Variants in KCNJ15 observed in about 807,000 individuals in gnomAD.
KCNJ15 encodes the protein potassium inwardly rectifying channel subfamily J member 15, also known as ATP-sensitive inward rectifier potassium channel 15.
KCNJ15 carries 14 observed loss-of-function variants against 23.0 expected under a neutral mutation model. That is an observed-to-expected ratio of 0.61 (90% CI 0.40 to 0.95). The LOEUF is 0.95. Ranked by LOEUF, KCNJ15 falls within the 40% of genes least tolerant of loss-of-function variation. KCNJ15 has a pLI of 0.00. For synonymous variants in KCNJ15, 185 were observed against 183.2 expected (o/e 1.01, Z -0.08); for missense variants, 388 against 461.8 (o/e 0.84, Z 1.46).
intron 1 of KCNJ15, chr21:38,237,254 A>G (rs1390731375): frequency 6.6e-6 from 1 of 152,286 alleles, no homozygotes; most frequent in African/African-American, 2.4e-5. Context: ...ATAATGATCC[A>G]AAAATAGCTT....
rs574202433 is a variant in KCNJ15, at chr21:38,251,359, A to T, written c.-398-5687A>T. Among the ~76,000 whole-genome samples, 27 of 152,334 alleles carry T rather than the reference A, an allele frequency of 1.8e-4. 1 individual carries two copies. The highest frequency in any genetic ancestry group is 8.5e-4 in the Admixed American group (13 of 15,302). On this transcript the variant is annotated intron_variant, in intron 1 of 4. Coordinates refer to the KCNJ15 transcript ENST00000547341. ...CAATAAAGGAATAAAGTTCAATTTG[A>T]ATAAGGCAAGAGGAAACCGGATCAC...
At chr21:38,258,948 A>C (rs1416931467) in intron 1 of KCNJ15, among the ~76,000 whole-genome samples, 1 of 152,104 alleles carries the variant, frequency 6.6e-6, no homozygotes, top group African/African-American at 2.4e-5. Context: ...GGCTCAGCAC[A>C]ACCTCACTCT....
intron 1 of KCNJ15, among the ~76,000 whole-genome samples, chr21:38,295,538 C>A (rs929354050): frequency 6.7e-6 from 1 of 149,534 alleles, no homozygotes; most frequent in Non-Finnish European, 1.5e-5. Flanking sequence ...GTACTGGTGG[C>A]AAGCTGCACT....
intron 1 of KCNJ15, among the ~76,000 whole-genome samples, chr21:38,287,897 G>A (rs1984076989): frequency 1.3e-5 from 2 of 152,040 alleles, no homozygotes; most frequent in Non-Finnish European, 2.9e-5. Context: ...AGCAAATTTT[G>A]GTATAAACTG....
At chr21:38,249,830 A>G (rs1979703685) in intron 1 of KCNJ15, among the ~76,000 whole-genome samples, 1 of 152,214 alleles carries the variant, frequency 6.6e-6, no homozygotes, top group Non-Finnish European at 1.5e-5. Flanking sequence ...TGCACATTTG[A>G]TAAGCTGAAG....
chr21:38,263,899 A>G (rs1457205317), intron 1 of KCNJ15, among the ~76,000 whole-genome samples: 1 of 151,826 alleles, frequency 6.6e-6, no homozygotes, highest in African/African-American at 2.4e-5. Context: ...ATTTACAAAG[A>G]TACATACACA....
At chr21:38,250,963 G>A (rs1332825659) in intron 1 of KCNJ15, among the ~76,000 whole-genome samples, 1 of 152,146 alleles carries the variant, frequency 6.6e-6, no homozygotes, top group African/African-American at 2.4e-5. Context: ...TAGGGTCCAC[G>A]GCACACATAC....
In KCNJ15 at chr21:38,305,287, A is replaced by G. The variant is rs913308461; in HGVS notation, c.*4898A>G. ...GTCAAATAGATTGGTGGGTTAAAAA[A>G]TAATCAATTCAAATTCAAATTAGGA... On this transcript the variant is annotated 3_prime_UTR_variant, in exon 3 of 3. Transcript: ENST00000398938. The G allele has an allele frequency of 3.3e-5, 5 of 152,338 alleles. No homozygotes were observed. The highest frequency in any genetic ancestry group is 7.3e-5 in the Non-Finnish European group (5 of 68,036). The allele number at this position is 152,338 out of a possible 1,614,324, so 9.4% of individuals were successfully genotyped here.
chr21:38,299,692 T>C lies in KCNJ15; in HGVS notation c.431T>C (p.Phe144Ser). The C allele has an allele frequency of 6.2e-7, 1 of 1,614,166 alleles. No homozygotes were observed. Among genetic ancestry groups the C allele is most frequent in the Non-Finnish European group, 8.5e-7 (1 of 1,180,032 alleles). Residue 144 changes from phenylalanine to serine, a missense_variant, in exon 3 of 3, where the codon TTC (phenylalanine) becomes TCC (serine). Phe to Ser is a radical substitution (Grantham distance 155, BLOSUM62 -2). Coordinates refer to ENST00000398938, the MANE Select transcript of KCNJ15 (RefSeq NM_170736.3). This position sits in a 1 kb window ranked among gnomAD's most constrained non-coding sequence, Gnocchi z 4.5. ...SITEECPHAI[F>S]LLVAQLVITT... The stretch of plus-strand genomic sequence containing the variant: ...ACAGAGGAATGTCCTCATGCCATCT[T>C]CCTGTTGGTTGCTCAGTTGGTCATC...
At chr21:38,253,159 T>G (rs979081086), upstream of KCNJ15, among the ~76,000 whole-genome samples, 2 of 152,224 alleles carry the variant, frequency 1.3e-5, no homozygotes, top group African/African-American at 4.8e-5. Context: ...TACCCTGGCT[T>G]CTTCCCTTCC....
At chr21:38,238,848 A>G (rs1978801322) in intron 1 of KCNJ15, among the ~76,000 whole-genome samples, 1 of 152,180 alleles carries the variant, frequency 6.6e-6, no homozygotes, top group African/African-American at 2.4e-5. Flanking sequence ...GTAAAAAATG[A>G]TTCTCCCTTT....
In KCNJ15 at chr21:38,242,412, C is replaced by T. The variant is rs140096455; in HGVS notation, c.-398-14634C>T. ...CACACGGGGCTATATGTGGAAACTC[C>T]GACCCCATGGTGCCTGCCACACACT... On this transcript the variant is annotated intron_variant, in intron 1 of 4. Transcript: ENST00000547341. Among the ~76,000 whole-genome samples the T allele has an allele frequency of 1.6e-3, 239 of 152,166 alleles. 4 individuals carry two copies. The highest frequency in any genetic ancestry group is 4.1e-3 in the Admixed American group (63 of 15,272).
At chr21:38,267,494 C>T (rs913820470) in intron 1 of KCNJ15, among the ~76,000 whole-genome samples, 7 of 152,144 alleles carry the variant, frequency 4.6e-5, no homozygotes, top group African/African-American at 1.2e-4. Flanking sequence ...AAACCCACCA[C>T]GCTGCAGGAG....
intron 1 of KCNJ15, among the ~76,000 whole-genome samples, chr21:38,288,026 C>CTTTTCTTTTTTTTTTTTTTTTTT (rs1171718120): frequency 1.3e-5 from 1 of 78,170 alleles, no homozygotes; most frequent in Non-Finnish European, 2.3e-5. Flanking sequence ...TTGTTTTTTT[C>CTTTTCTTTTTTTTTTTTTTTTTT]TTTGTTTTTT....
chr21:38,238,524 C>A, intron 1 of KCNJ15: 1 of 639,542 alleles, frequency 1.6e-6, no homozygotes. Context: ...GGACCATCTC[C>A]GGCAATGCCA....
upstream of KCNJ15, among the ~76,000 whole-genome samples, chr21:38,256,378 A>ATATATATG (rs1555882101): frequency 2.7e-4 from 39 of 143,648 alleles, 1 homozygote; most frequent in African/African-American, 9.1e-4. Context: ...ATATATATAT[A>ATATATATG]TAATATTTAT....
rs954878327 is a variant in KCNJ15 at position 38,305,179 on chromosome 21, C to T, written c.*4790C>T. 1 of 151,974 alleles carries T rather than the reference C, an allele frequency of 6.6e-6. No homozygotes were observed. Among genetic ancestry groups the T allele is most frequent in the Non-Finnish European group, 1.5e-5 (1 of 67,992 alleles). 9.4% of individuals were successfully genotyped at this position (151,974 alleles called of 1,614,324 possible). A position where few individuals can be genotyped will look rare whatever the true frequency, so the allele number is the denominator to read the frequency against. On this transcript the variant is annotated 3_prime_UTR_variant, in exon 3 of 3. Coordinates refer to ENST00000398938, the MANE Select transcript of KCNJ15 (RefSeq NM_170736.3). ...CTTCACTTCACTTAACCCTATGGCC[C>T]TCCTTATCTTGCACCCAATTTCTTT...
At position 38,302,864 on chromosome 21, in the gene KCNJ15, C is replaced by T. The variant is rs1222232000; in HGVS notation, c.*2475C>T. The T allele has an allele frequency of 6.6e-6, 1 of 152,140 alleles. No homozygotes were observed. The highest frequency in any genetic ancestry group is 2.4e-5 in the African/African-American group (1 of 41,434). 9.4% of individuals were successfully genotyped at this position (152,140 alleles called of 1,614,324 possible). A position where few individuals can be genotyped will look rare whatever the true frequency, so the allele number is the denominator to read the frequency against. On this transcript the variant is annotated 3_prime_UTR_variant, in exon 3 of 3. Coordinates refer to ENST00000398938, the MANE Select transcript of KCNJ15 (RefSeq NM_170736.3). ...TGATCATCTTATCTTTTGCTCTACA[C>T]ACTCAAAACAAATATTGCAGCAGAA...
intron 1 of KCNJ15, chr21:38,291,531 C>T (rs1362647647): frequency 6.6e-6 from 1 of 152,202 alleles, no homozygotes; most frequent in African/African-American, 2.4e-5. Flanking sequence ...TTTCTCCATT[C>T]CTTTGTTTGA....
Sources: allele counts gnomAD v4.1 joint callset (sites outside exome capture counted in the v4.1 genomes callset), GRCh38; gene constraint gnomAD v4.1.1; non-coding constraint Gnocchi (gnomAD v3.1); transcripts MANE v1.5; gene names NCBI Gene and HGNC (gene_info 2026-07-23, HGNC 2026-07-21).